Variants in ACACA observed in about 807,000 individuals in gnomAD.
ACACA encodes the protein acetyl-CoA carboxylase alpha.
A neutral mutation model predicts 296.1 loss-of-function variants in ACACA; 103 were observed. That is an observed-to-expected ratio of 0.35 (90% CI 0.30 to 0.41). The LOEUF is 0.41. Ranked by LOEUF, ACACA falls within the 10% of genes least tolerant of loss-of-function variation. The probability of loss-of-function intolerance (pLI) is 1.00; values close to 1 mark genes in which losing one functional copy is unlikely to be tolerated. For synonymous variants in ACACA, 953 were observed against 1,038.6 expected (o/e 0.92, Z 1.58); for missense variants, 1,554 against 2,989.7 (o/e 0.52, Z 11.20).
At chr17:37,122,045 G>A (rs2074551730) in intron 49 of ACACA, among the ~76,000 whole-genome samples, 1 of 152,144 alleles carries the variant, frequency 6.6e-6, no homozygotes, top group South Asian at 2.1e-4. Context: ...GCTGAGGCGG[G>A]AGGATCCCTT....
chr17:37,116,929 C>G (rs561069215), intron 50 of ACACA, among the ~76,000 whole-genome samples: 2 of 152,104 alleles, frequency 1.3e-5, no homozygotes, highest in Non-Finnish European at 1.5e-5. Context: ...CCCTGAGAAA[C>G]GCAACTGGGA....
At chr17:37,124,158 C>G (rs2074661816) in intron 48 of ACACA, among the ~76,000 whole-genome samples, 1 of 152,136 alleles carries the variant, frequency 6.6e-6, no homozygotes, top group Non-Finnish European at 1.5e-5. Context: ...CTTGAAATGC[C>G]ATTGCTTTTG....
At chr17:37,354,410 G>T (rs1418316360) in intron 1 of ACACA, among the ~76,000 whole-genome samples, 1 of 152,072 alleles carries the variant, frequency 6.6e-6, no homozygotes, top group Non-Finnish European at 1.5e-5. Flanking sequence ...ATGGTAACTT[G>T]AAAAAGTAAC....
At chr17:37,339,723 C>CA (rs2048298038) in intron 2 of ACACA, 81 bp downstream of exon 2, 2 of 909,576 alleles carry the variant, frequency 2.2e-6, no homozygotes, top group African/African-American at 3.2e-5. Flanking sequence ...ACTTTTAACA[C>CA]AAAAGCCTAC....
At chr17:37,376,735 A>G (rs1428941905) in intron 1 of ACACA, among the ~76,000 whole-genome samples, 1 of 152,192 alleles carries the variant, frequency 6.6e-6, no homozygotes, top group Non-Finnish European at 1.5e-5. Context: ...TTGGTGGATC[A>G]CCTGAGGTCA....
chr17:37,363,840 C>T lies in ACACA; in HGVS notation c.39-23990G>A, dbSNP rs181506674. Among the ~76,000 whole-genome samples, 992 of 150,938 alleles carry T rather than the reference C, an allele frequency of 6.6e-3. 32 individuals carry two copies. The highest frequency in any genetic ancestry group is 0.056 in the Admixed American group (852 of 15,156). ...GTCTCTAATAAAAATACAAAATTTG[C>T]GGCAGGGCACGGTGGCTCATGCCTG... On this transcript the variant is annotated intron_variant, in intron 1 of 55. Coordinates refer to ENST00000616317, the MANE Select transcript of ACACA (RefSeq NM_198834.3).
chr17:37,188,362 G>A lies in ACACA; in HGVS notation c.4691C>T (p.Pro1564Leu), dbSNP rs1270116254. Residue 1564 changes from proline to leucine, a missense_variant, in exon 39 of 56, where the codon CCC becomes CTC. Coordinates refer to ENST00000616317, the MANE Select transcript of ACACA (RefSeq NM_198834.3). ...CTCGTTTGTCAGGAAGAGGCGGATGGGAATTGCTTTTCCAGTTGGCGTCAG... is the reference window on the plus strand; with the variant it reads ...CTCGTTTGTCAGGAAGAGGCGGATGAGAATTGCTTTTCCAGTTGGCGTCAG... Reference protein sequence around the residue: ...IRLTPTGKAIPIRLFLTNESG... With the variant: ...IRLTPTGKAILIRLFLTNESG... The A allele has an allele frequency of 6.2e-7, 1 of 1,614,122 alleles. No homozygotes were observed.
At chr17:37,285,104 A>G in intron 3 of ACACA, 134 bp from the exon 4 acceptor site, 3 of 1,005,802 alleles carry the variant, frequency 3.0e-6, no homozygotes, top group Non-Finnish European at 4.5e-6. Context: ...GTACTTTTCA[A>G]ATAAAAGAGA....
chr17:37,112,660 G>A (rs1052324769), intron 51 of ACACA, among the ~76,000 whole-genome samples: 1 of 152,174 alleles, frequency 6.6e-6, no homozygotes, highest in Middle Eastern at 3.2e-3. Context: ...CTCCTAAGCA[G>A]CCTTTGACAT....
intron 3 of ACACA, among the ~76,000 whole-genome samples, chr17:37,328,475 G>A (rs34982826): frequency 0.025 from 3,873 of 152,120 alleles, 106 homozygotes; most frequent in African/African-American, 0.055. Context: ...TTATCTCTCT[G>A]GTTTATTACA....
chr17:37,403,826 T>A (rs1303024725), intron 1 of ACACA, among the ~76,000 whole-genome samples: 1 of 152,178 alleles, frequency 6.6e-6, no homozygotes, highest in Non-Finnish European at 1.5e-5. Flanking sequence ...TTGAACAGGC[T>A]GGAGGGCAGT....
chr17:37,355,324 G>A (rs1229450301), intron 1 of ACACA, among the ~76,000 whole-genome samples: 3 of 152,028 alleles, frequency 2.0e-5, no homozygotes, highest in African/African-American at 4.8e-5. Flanking sequence ...TTGGGAGGCC[G>A]AAGTGGGTGG....
rs1351026485 is a variant in ACACA, at chr17:37,191,156, G to C, written c.4536C>G (p.Leu1512=). The C allele has an allele frequency of 6.2e-7, 1 of 1,614,144 alleles. No individual in the cohort carries two copies. The highest frequency in any genetic ancestry group is 8.5e-7 in the Non-Finnish European group (1 of 1,180,010). Residue 1512 remains leucine, a synonymous_variant, in exon 38 of 56, where the codon CTC becomes CTG. Transcript: ENST00000616317. ...CCATGATAACCGTGGGCACAAAGTT[G>C]AGGAAGATGTGGTTACAGTCAGTGC... is the stretch of plus-strand genomic sequence containing the variant. ...NVRTDCNHIF[L]NFVPTVIMDP...
rs1567654602 is a variant in ACACA, at chr17:37,098,030, A to G, written c.6566-46T>C. 3.7e-6 allele frequency: 6 copies of G among 1,613,118 alleles called. No homozygotes were observed. The Admixed American group carries it at 1.0e-4, about 27-fold the overall frequency. On this transcript the variant is annotated intron_variant, in intron 52 of 55. Coordinates refer to ENST00000616317, the MANE Select transcript of ACACA (RefSeq NM_198834.3). ...CCGTCACACTCTGTAATGACCAGGA[A>G]TCTCTCTGCACAAAAGCAGCCACAA...
chr17:37,239,528 A>G (rs1437830053), intron 24 of ACACA, among the ~76,000 whole-genome samples: 1 of 152,200 alleles, frequency 6.6e-6, no homozygotes, highest in Non-Finnish European at 1.5e-5. Flanking sequence ...CTTTTACAAG[A>G]TTTTAAAAGT....
intron 3 of ACACA, among the ~76,000 whole-genome samples, chr17:37,317,341 G>A (rs2047145604): frequency 6.6e-6 from 1 of 152,084 alleles, no homozygotes. Flanking sequence ...TGTAATCCCA[G>A]CACTTTGGGA....
At chr17:37,160,256 T>C (rs751837448) in intron 42 of ACACA, among the ~76,000 whole-genome samples, 12 of 152,188 alleles carry the variant, frequency 7.9e-5, no homozygotes, top group Non-Finnish European at 1.5e-4. Flanking sequence ...GGAGGAAGTG[T>C]TGATCGTACA....
chr17:37,098,062 G>A, intron 52 of ACACA, 78 bp from the exon 53 acceptor site: 1 of 1,579,042 alleles, frequency 6.3e-7, no homozygotes, highest in Middle Eastern at 1.7e-4. Context: ...ACAATCACGG[G>A]AAGCTCAACA....
At chr17:37,385,998 T>G (rs1329929226) in intron 1 of ACACA, 1 of 1,534,720 alleles carries the variant, frequency 6.5e-7, no homozygotes, top group Non-Finnish European at 8.9e-7. Context: ...CTTTTCTACT[T>G]TGTTTTATAG....
Sources: gnomAD v4.1 joint callset for allele counts (sites outside exome capture counted in the v4.1 genomes callset) on GRCh38, gnomAD v4.1.1 for gene constraint, MANE v1.5 for transcripts, NCBI Gene and HGNC (gene_info 2026-07-23, HGNC 2026-07-21) for gene names.